The following FDX1 variants were observed in gnomAD, a reference collection of about 807,000 sequenced individuals.
FDX1 encodes the protein ferredoxin 1.
A neutral mutation model predicts 14.9 loss-of-function variants in FDX1; 9 were observed. The observed-to-expected ratio is 0.60, with a 90% CI of 0.36 to 1.05. The LOEUF (loss-of-function observed/expected upper bound fraction) is 1.05, where lower values mean the gene tolerates loss of function less well. Ranked by LOEUF, FDX1 falls within the 50% of genes least tolerant of loss-of-function variation. The pLI, the probability that FDX1 is intolerant of heterozygous loss-of-function variation, is 0.01. For synonymous variants in FDX1, 92 were observed against 99.4 expected (o/e 0.93, Z 0.44); for missense variants, 204 against 237.2 (o/e 0.86, Z 0.92).
At chr11:110,444,748 G>GTATATA (rs538386755) in intron 2 of FDX1, among the ~76,000 whole-genome samples, 887 of 29,832 alleles carry the variant, frequency 0.03, 100 homozygotes, top group African/African-American at 0.1. Flanking sequence ...ATATATACAC[G>GTATATA]TATATATATA....
In FDX1 at chr11:110,430,285, G is replaced by A; in HGVS notation, c.165G>A (p.Val55=). The A allele has an allele frequency of 8.3e-7, 1 of 1,199,980 alleles. No individual in the cohort carries two copies. The highest frequency in any genetic ancestry group is 1.0e-6 in the Non-Finnish European group (1 of 967,296). 74.3% of individuals were successfully genotyped at this position (1,199,980 alleles called of 1,614,324 possible). The change falls in exon 1 of 4, where the codon GTG becomes GTA. Residue 55 remains valine (V), a synonymous_variant. Transcript: ENST00000260270. ...GSAEASRSLS[V]SARARSSSED... The stretch of plus-strand genomic sequence containing the variant: ...CGGAGGCGAGCCGGTCGCTGAGCGT[G>A]TCGGCGCGGGCCCGGAGCAGGTAGG...
At chr11:110,453,483 T>C (rs1436930045) in intron 2 of FDX1, among the ~76,000 whole-genome samples, 2 of 151,854 alleles carry the variant, frequency 1.3e-5, no homozygotes, top group African/African-American at 4.8e-5. Flanking sequence ...TTTTTTTTTT[T>C]TCTTAAATAG....
At chr11:110,461,886 G>C (rs748417046) in intron 3 of FDX1, among the ~76,000 whole-genome samples, 1 of 152,168 alleles carries the variant, frequency 6.6e-6, no homozygotes. Flanking sequence ...TCTTATAATT[G>C]ATGACTTAAG....
chr11:110,442,543 A>G (rs1054347117), intron 2 of FDX1, among the ~76,000 whole-genome samples: 1 of 152,196 alleles, frequency 6.6e-6, no homozygotes. Context: ...TTGGACTTGC[A>G]TGGGGTCTGT....
chr11:110,461,402 G>A (rs528283622), intron 3 of FDX1, among the ~76,000 whole-genome samples: 1 of 151,388 alleles, frequency 6.6e-6, no homozygotes, highest in African/African-American at 2.4e-5. Flanking sequence ...AGGCTGAGGT[G>A]GGAGGATCAC....
rs549968218 is a variant in FDX1 at position 110,444,385 on chromosome 11, G to A, written c.310+8427G>A. Reference sequence around the variant, plus strand: ...AATCCTGGCACTTTGGGAGGCCAAGGCAGGCAGATCACTTGAGGTCAGGAG... The same window carrying A: ...AATCCTGGCACTTTGGGAGGCCAAGACAGGCAGATCACTTGAGGTCAGGAG... On this transcript the variant is annotated intron_variant, in intron 2 of 3. Transcript: ENST00000260270. 1.4e-3 allele frequency among the ~76,000 whole-genome samples: 209 copies of A among 151,976 alleles called. 1 individual carries two copies. The highest frequency in any genetic ancestry group is 4.8e-3 in the African/African-American group (200 of 41,434).
At position 110,464,100 on chromosome 11, in the gene FDX1, A is replaced by T. The variant is rs1169614969; in HGVS notation, c.*1632A>T. The stretch of plus-strand genomic sequence containing the variant: ...GCTAATTTTTGTATTTTTTCTAGGG[A>T]CAGGGTTTTACCACGTTGCCCAGGC... On this transcript the variant is annotated 3_prime_UTR_variant, in exon 4 of 4. Coordinates refer to ENST00000260270, the MANE Select transcript of FDX1 (RefSeq NM_004109.5). 2 of 151,914 alleles carry T rather than the reference A, an allele frequency of 1.3e-5. No homozygotes were observed. Among genetic ancestry groups the T allele is most frequent in the African/African-American group, 4.8e-5 (2 of 41,338 alleles). 9.4% of individuals were successfully genotyped at this position (151,914 alleles called of 1,614,324 possible).
intron 2 of FDX1, among the ~76,000 whole-genome samples, chr11:110,451,969 GT>G (rs1398138490): frequency 6.6e-6 from 1 of 152,176 alleles, no homozygotes; most frequent in Non-Finnish European, 1.5e-5. Flanking sequence ...AAAGCAATTA[GT>G]GAAGAAAGGG....
At chr11:110,435,676 C>T (rs1352714929) in intron 1 of FDX1, among the ~76,000 whole-genome samples, 158 bp from the exon 2 acceptor site, 3 of 152,080 alleles carry the variant, frequency 2.0e-5, no homozygotes, top group East Asian at 1.9e-4. Context: ...GGTGGCACCC[C>T]GTCACTACAA....
chr11:110,457,631 G>T (rs1946530566), intron 3 of FDX1, among the ~76,000 whole-genome samples: 1 of 151,942 alleles, frequency 6.6e-6, no homozygotes, highest in Non-Finnish European at 1.5e-5. Context: ...AATGAAGGTA[G>T]CTAGCTGATA....
At chr11:110,451,663 A>G (rs1281896272) in intron 2 of FDX1, among the ~76,000 whole-genome samples, 2 of 152,252 alleles carry the variant, frequency 1.3e-5, no homozygotes, top group Non-Finnish European at 2.9e-5. Flanking sequence ...ACTATTCACA[A>G]TAGCAAAGAC....
intron 2 of FDX1, among the ~76,000 whole-genome samples, chr11:110,444,520 G>A (rs1946425383): frequency 6.6e-6 from 1 of 150,728 alleles, no homozygotes; most frequent in African/African-American, 2.4e-5. Context: ...GGAGGCTGAG[G>A]CACCAGAATC....
At chr11:110,452,441 C>T (rs1425940684) in intron 2 of FDX1, among the ~76,000 whole-genome samples, 2 of 152,006 alleles carry the variant, frequency 1.3e-5, no homozygotes, top group Non-Finnish European at 2.9e-5. Context: ...TGAACAGACA[C>T]TTCACCAAGG....
At chr11:110,452,125 AAAAG>A (rs1946490246) in intron 2 of FDX1, among the ~76,000 whole-genome samples, 1 of 152,208 alleles carries the variant, frequency 6.6e-6, no homozygotes, top group South Asian at 2.1e-4. Context: ...GTAAACTCCT[AAAAG>A]AAAGAACAAG....
chr11:110,441,905 G>A (rs1946406677), intron 2 of FDX1, among the ~76,000 whole-genome samples: 1 of 152,200 alleles, frequency 6.6e-6, no homozygotes, highest in Non-Finnish European at 1.5e-5. Flanking sequence ...AAGTGGTTTT[G>A]TGGGCTGGGC....
In FDX1 at chr11:110,434,727, T is replaced by G. The variant is rs1480933429; in HGVS notation, c.186-1107T>G. Among the ~76,000 whole-genome samples the G allele has an allele frequency of 1.1e-4, 7 of 61,742 alleles. 1 individual carries two copies. In the Admixed American group the frequency reaches 1.3e-3, roughly 11 times the overall value. 40.5% of individuals were successfully genotyped at this position (61,742 alleles called of 152,430 possible). A position where few individuals can be genotyped will look rare whatever the true frequency, so the allele number is the denominator to read the frequency against. ...AGAGCTGTGTGATGACTTTTTTTGT[T>G]TTTTTTTTTTTTTTTTTTTTTGAGA... On this transcript the variant is annotated intron_variant, in intron 1 of 3. Transcript: ENST00000260270.
At chr11:110,439,798 T>C (rs1323850064) in intron 2 of FDX1, among the ~76,000 whole-genome samples, 1 of 152,224 alleles carries the variant, frequency 6.6e-6, no homozygotes, top group Non-Finnish European at 1.5e-5. Flanking sequence ...TCTAGGACTT[T>C]TGTAGCTTTA....
chr11:110,447,795 C>G (rs1421867949), intron 2 of FDX1, among the ~76,000 whole-genome samples: 4 of 152,174 alleles, frequency 2.6e-5, no homozygotes, highest in Non-Finnish European at 5.9e-5. Context: ...AGTAGTGGTT[C>G]TCTTGTTACC....
intron 2 of FDX1, among the ~76,000 whole-genome samples, chr11:110,443,247 A>G (rs144023026): frequency 1.7e-3 from 263 of 152,032 alleles, no homozygotes; most frequent in African/African-American, 6.1e-3. Context: ...GGGTGCTGAA[A>G]ATTCATCTTT....
Sources: gnomAD v4.1 joint callset for allele counts (sites outside exome capture counted in the v4.1 genomes callset) on GRCh38, gnomAD v4.1.1 for gene constraint, MANE v1.5 for transcripts, NCBI Gene and HGNC (gene_info 2026-07-23, HGNC 2026-07-21) for gene names.